FAM24B: variants seen among roughly 807,000 people sequenced by gnomAD.
The protein encoded by FAM24B is family with sequence similarity 24 member B.
FAM24B carries 3 observed loss-of-function variants against 2.3 expected under a neutral mutation model. That is an observed-to-expected ratio of 1.29 (90% CI 0.59 to 3.32). FAM24B has a LOEUF of 3.32. Among genes scored for constraint, FAM24B ranks in the 30% most tolerant of loss-of-function variants. The pLI, the probability that FAM24B is intolerant of heterozygous loss-of-function variation, is 0.03. For missense variants in FAM24B, 98 were observed against 117.2 expected, an observed-to-expected ratio of 0.84 and a Z score of 0.76; for synonymous variants, 36 against 46.3, an observed-to-expected ratio of 0.78 and a Z score of 0.90.
At chr10:122,856,681 C>T (rs763340186) in intron 1 of FAM24B, among the ~76,000 whole-genome samples, 2 of 152,160 alleles carry the variant, frequency 1.3e-5, no homozygotes, top group Admixed American at 6.5e-5. Flanking sequence ...TTCTTCTTTC[C>T]CTGGGCCTAA....
intron 1 of FAM24B, among the ~76,000 whole-genome samples, chr10:122,863,321 AT>A (rs1238721914): frequency 6.6e-6 from 1 of 152,086 alleles, no homozygotes; most frequent in African/African-American, 2.4e-5. Context: ...TATCATCCCC[AT>A]TTTCTTAATG....
At chr10:122,878,481 G>A (rs553877100) in intron 1 of FAM24B, among the ~76,000 whole-genome samples, 55 of 150,762 alleles carry the variant, frequency 3.6e-4, no homozygotes, top group African/African-American at 1.3e-3. Context: ...TGCAGGAGCC[G>A]AGATCACACC....
intron 1 of FAM24B, among the ~76,000 whole-genome samples, chr10:122,865,911 C>CTT (rs1222037474): frequency 3.6e-5 from 5 of 139,662 alleles, no homozygotes; most frequent in Non-Finnish European, 3.1e-5. Flanking sequence ...TTGTATTATT[C>CTT]TTTTTTTTTT....
At chr10:122,852,621 G>A (rs1490447347) in intron 2 of FAM24B, among the ~76,000 whole-genome samples, 2 of 152,132 alleles carry the variant, frequency 1.3e-5, no homozygotes, top group African/African-American at 4.8e-5. Context: ...GTGGAAAGTT[G>A]CCCCATTATC....
intron 1 of FAM24B, among the ~76,000 whole-genome samples, chr10:122,872,638 G>C (rs1487387576): frequency 6.6e-6 from 1 of 152,090 alleles, no homozygotes; most frequent in Non-Finnish European, 1.5e-5. Context: ...CCTTTGTAGG[G>C]ACATGGATGA....
chr10:122,858,186 A>G (rs1410318891), intron 1 of FAM24B, among the ~76,000 whole-genome samples: 1 of 152,232 alleles, frequency 6.6e-6, no homozygotes, highest in African/African-American at 2.4e-5. Flanking sequence ...GGATTAAGAA[A>G]ATGTGGCACA....
intron 1 of FAM24B, among the ~76,000 whole-genome samples, chr10:122,874,649 T>C (rs1186871960): frequency 6.6e-6 from 1 of 152,186 alleles, no homozygotes; most frequent in Non-Finnish European, 1.5e-5. Flanking sequence ...TTTTTTCCTC[T>C]GGCTCCTTTC....
At chr10:122,868,798 AG>A (rs1267088285) in intron 1 of FAM24B, among the ~76,000 whole-genome samples, 10 of 152,250 alleles carry the variant, frequency 6.6e-5, no homozygotes, top group Non-Finnish European at 1.0e-4. Flanking sequence ...AAACATGGAA[AG>A]GAACAACTGG....
At chr10:122,876,767 T>C (rs1421561352) in intron 1 of FAM24B, among the ~76,000 whole-genome samples, 1 of 152,254 alleles carries the variant, frequency 6.6e-6, no homozygotes, top group Non-Finnish European at 1.5e-5. Context: ...GTTCCATTTG[T>C]TCAGCTTTTT....
intron 1 of FAM24B, among the ~76,000 whole-genome samples, chr10:122,869,063 G>A (rs1039773681): frequency 6.6e-6 from 1 of 152,010 alleles, no homozygotes. Context: ...GACACACATA[G>A]GCTCAAAATA....
chr10:122,872,097 A>G (rs1313548313), intron 1 of FAM24B, among the ~76,000 whole-genome samples: 3 of 151,834 alleles, frequency 2.0e-5, no homozygotes, highest in Non-Finnish European at 4.4e-5. Flanking sequence ...TTACAAGAAA[A>G]AAACAACCCT....
chr10:122,878,630 C>T (rs866189652), intron 1 of FAM24B, among the ~76,000 whole-genome samples: 6 of 151,696 alleles, frequency 4.0e-5, no homozygotes, highest in South Asian at 2.1e-4. Flanking sequence ...GAAAATGAAA[C>T]GCAGGTGAGG....
intron 1 of FAM24B, among the ~76,000 whole-genome samples, chr10:122,875,963 T>A (rs1438813983): frequency 6.6e-6 from 1 of 152,172 alleles, no homozygotes; most frequent in Non-Finnish European, 1.5e-5. Flanking sequence ...CCCGCCCTAG[T>A]GCTGGCACGC....
intron 1 of FAM24B, among the ~76,000 whole-genome samples, chr10:122,872,491 A>G (rs1225822887): frequency 6.6e-6 from 1 of 152,180 alleles, no homozygotes; most frequent in Non-Finnish European, 1.5e-5. Context: ...GCACACATAT[A>G]TTTATTGTGG....
At chr10:122,861,315 T>C (rs1484718587) in intron 1 of FAM24B, among the ~76,000 whole-genome samples, 1 of 152,224 alleles carries the variant, frequency 6.6e-6, no homozygotes. Flanking sequence ...GATCTATTTC[T>C]GGGCTCTCCA....
chr10:122,850,396 C>A (rs371442950), intron 3 of FAM24B, 28 bp downstream of exon 3: 9 of 1,570,250 alleles, frequency 5.7e-6, no homozygotes, highest in Non-Finnish European at 7.9e-6. Flanking sequence ...CACTTTAGTA[C>A]GTTGTTTATT....
chr10:122,867,502 G>A (rs1044024806), intron 1 of FAM24B, among the ~76,000 whole-genome samples: 3 of 152,216 alleles, frequency 2.0e-5, no homozygotes, highest in Non-Finnish European at 4.4e-5. Flanking sequence ...CCTCAAGTGG[G>A]TCCCTGACCC....
chr10:122,858,391 C>G (rs900972765), intron 1 of FAM24B, among the ~76,000 whole-genome samples: 5 of 137,388 alleles, frequency 3.6e-5, no homozygotes, highest in Non-Finnish European at 7.7e-5. Context: ...CATCACACAC[C>G]GGGGCCTATC....
intron 1 of FAM24B, among the ~76,000 whole-genome samples, chr10:122,865,718 A>G (rs1847794202): frequency 6.6e-6 from 1 of 152,142 alleles, no homozygotes; most frequent in Non-Finnish European, 1.5e-5. Flanking sequence ...ATGTTTGGGA[A>G]AATTCACAAG....
Sources: allele counts gnomAD v4.1 joint callset (sites outside exome capture counted in the v4.1 genomes callset), GRCh38; gene constraint gnomAD v4.1.1; transcripts MANE v1.5; gene names NCBI Gene and HGNC (gene_info 2026-07-23, HGNC 2026-07-21).